The following SETBP1 variants were observed in gnomAD, a reference collection of about 807,000 sequenced individuals.
SETBP1 encodes the protein SET binding protein 1, also known as SET-binding protein.
SETBP1 carries 9 observed loss-of-function variants against 101.0 expected under a neutral mutation model. That is an observed-to-expected ratio of 0.09 (90% CI 0.05 to 0.16). The LOEUF is 0.16. Among genes scored for constraint, SETBP1 ranks in the 10% least tolerant of loss-of-function variants. SETBP1 has a pLI of 1.00. For missense variants in SETBP1, 1,858 were observed against 2,033.8 expected (o/e 0.91, Z 1.66); for synonymous variants, 818 against 788.5 (o/e 1.04, Z -0.63).
At chr18:44,903,312 A>T (rs1393466152) in intron 3 of SETBP1, among the ~76,000 whole-genome samples, 1 of 152,206 alleles carries the variant, frequency 6.6e-6, no homozygotes, top group African/African-American at 2.4e-5. Flanking sequence ...TGCTGCCCAC[A>T]CAAGGAGTTC....
At chr18:44,907,951 T>G (rs922812764) in intron 3 of SETBP1, among the ~76,000 whole-genome samples, 1 of 152,346 alleles carries the variant, frequency 6.6e-6, no homozygotes, top group East Asian at 1.9e-4. Flanking sequence ...TTCTAAGAAA[T>G]TGATAGCTTT....
chr18:44,858,223 G>C (rs2073014074), intron 2 of SETBP1, among the ~76,000 whole-genome samples: 1 of 152,226 alleles, frequency 6.6e-6, no homozygotes, highest in African/African-American at 2.4e-5. Context: ...ATTCTGCAGA[G>C]TATCTTCAAT....
chr18:44,899,468 C>T (rs1335042393), intron 3 of SETBP1, among the ~76,000 whole-genome samples: 1 of 152,154 alleles, frequency 6.6e-6, no homozygotes, highest in Non-Finnish European at 1.5e-5. Context: ...TGCATGTTGG[C>T]CATGCTGTAT....
At chr18:44,905,722 A>G (rs2070160450) in intron 3 of SETBP1, among the ~76,000 whole-genome samples, 1 of 152,214 alleles carries the variant, frequency 6.6e-6, no homozygotes, top group Non-Finnish European at 1.5e-5. Context: ...AGGACTCCTC[A>G]TTACAGGGCA....
intron 4 of SETBP1, among the ~76,000 whole-genome samples, chr18:44,959,688 C>CTG (rs2071568529): frequency 6.6e-6 from 1 of 152,018 alleles, no homozygotes; most frequent in Non-Finnish European, 1.5e-5. Context: ...TGAGCCACTG[C>CTG]TGTGTTCTCA....
chr18:44,722,873 G>T (rs144712495), intron 2 of SETBP1, among the ~76,000 whole-genome samples: 1 of 152,164 alleles, frequency 6.6e-6, no homozygotes, highest in South Asian at 2.1e-4. Flanking sequence ...CACAAATACC[G>T]TTTCTTTTCA....
At chr18:44,830,163 A>C (rs79623316) in intron 2 of SETBP1, among the ~76,000 whole-genome samples, 4,760 of 152,248 alleles carry the variant, frequency 0.031, 239 homozygotes, top group African/African-American at 0.11. Context: ...TAGTGTACTA[A>C]TCTTCATTGA....
intron 3 of SETBP1, among the ~76,000 whole-genome samples, chr18:44,890,761 AC>A (rs1481702260): frequency 4.6e-5 from 7 of 152,064 alleles, no homozygotes; most frequent in African/African-American, 1.7e-4. Flanking sequence ...AAAACCTGCA[AC>A]CTCATGAAGG....
intron 4 of SETBP1, among the ~76,000 whole-genome samples, chr18:45,005,408 G>A (rs112587394): frequency 2.6e-5 from 4 of 152,272 alleles, no homozygotes; most frequent in African/African-American, 9.6e-5. Flanking sequence ...AGACCATGGG[G>A]TCAACAGATT....
At chr18:45,038,858 G>A (rs1374445786) in intron 5 of SETBP1, among the ~76,000 whole-genome samples, 2 of 152,190 alleles carry the variant, frequency 1.3e-5, no homozygotes, top group Non-Finnish European at 2.9e-5. Flanking sequence ...AATGTGGAGG[G>A]TGGGTACTCT....
At chr18:44,981,823 T>A (rs1461948601) in intron 4 of SETBP1, among the ~76,000 whole-genome samples, 2 of 152,216 alleles carry the variant, frequency 1.3e-5, no homozygotes, top group Non-Finnish European at 2.9e-5. Flanking sequence ...TAAGAAGCCC[T>A]TAGTTTTAAT....
At chr18:45,027,521 A>C (rs747671453) in intron 4 of SETBP1, among the ~76,000 whole-genome samples, 12 of 152,224 alleles carry the variant, frequency 7.9e-5, no homozygotes, top group Non-Finnish European at 1.5e-4. Context: ...GATCAGTCTT[A>C]TGCTAGCAAG....
intron 2 of SETBP1, among the ~76,000 whole-genome samples, chr18:44,713,169 G>A (rs571254643): frequency 5.7e-4 from 86 of 151,770 alleles, no homozygotes; most frequent in Middle Eastern, 3.4e-3. Context: ...CATGTCAGCC[G>A]GATGGTCTCG....
chr18:44,971,302 T>C (rs1295950658), intron 4 of SETBP1, among the ~76,000 whole-genome samples: 2 of 152,242 alleles, frequency 1.3e-5, no homozygotes, highest in African/African-American at 2.4e-5. Flanking sequence ...TGGTTCCAAG[T>C]CTTTGCTATT....
At chr18:44,824,864 G>C (rs1368279005) in intron 2 of SETBP1, among the ~76,000 whole-genome samples, 4 of 152,178 alleles carry the variant, frequency 2.6e-5, no homozygotes, top group Non-Finnish European at 5.9e-5. Flanking sequence ...GTAGCAAGTA[G>C]GTAAGGGAGG....
intron 2 of SETBP1, among the ~76,000 whole-genome samples, chr18:44,776,618 G>A (rs2071010031): frequency 6.6e-6 from 1 of 152,316 alleles, no homozygotes; most frequent in East Asian, 1.9e-4. Context: ...CATCACTTGA[G>A]CTGTGCCATT....
chr18:44,702,369 G>A (rs562755047), intron 2 of SETBP1, among the ~76,000 whole-genome samples: 5 of 152,166 alleles, frequency 3.3e-5, no homozygotes, highest in Non-Finnish European at 5.9e-5. Flanking sequence ...TTATCTACTC[G>A]TTAATTACCA....
intron 3 of SETBP1, among the ~76,000 whole-genome samples, chr18:44,931,986 T>A (rs754901551): frequency 9.9e-5 from 15 of 152,206 alleles, no homozygotes; most frequent in Non-Finnish European, 1.5e-4. Flanking sequence ...GTCATTATGA[T>A]GTTAGCTGCT....
intron 2 of SETBP1, among the ~76,000 whole-genome samples, chr18:44,793,561 C>A (rs1162807860): frequency 1.3e-5 from 2 of 152,154 alleles, no homozygotes; most frequent in African/African-American, 2.4e-5. Flanking sequence ...GTGGTGGGGA[C>A]CCCCTGTGTG....
Sources: allele counts gnomAD v4.1 joint callset (sites outside exome capture counted in the v4.1 genomes callset), GRCh38; gene constraint gnomAD v4.1.1; transcripts MANE v1.5; gene names NCBI Gene and HGNC (gene_info 2026-07-23, HGNC 2026-07-21).